LUZP2: variants seen among roughly 807,000 people sequenced by gnomAD.
LUZP2 encodes leucine zipper protein 2.
A neutral mutation model predicts 51.6 loss-of-function variants in LUZP2; 52 were observed. That is an observed-to-expected ratio of 1.01 (90% CI 0.81 to 1.27). The LOEUF (loss-of-function observed/expected upper bound fraction) is 1.27, where lower values mean the gene tolerates loss of function less well. Among genes scored for constraint, LUZP2 ranks in the 50% most tolerant of loss-of-function variants. The pLI is 0.00. For synonymous variants in LUZP2, 154 were observed against 137.3 expected, an observed-to-expected ratio of 1.12 and a Z score of -0.85; for missense variants, 436 against 395.4, an observed-to-expected ratio of 1.10 and a Z score of -0.87.
At position 24,922,847 on chromosome 11, in the gene LUZP2, T is replaced by TC. The variant is rs1854107063; in HGVS notation, c.522+8309_522+8310insC. Among the ~76,000 whole-genome samples the TC allele has an allele frequency of 2.3e-5, 3 of 131,694 alleles. No homozygotes were observed. In the Admixed American group the frequency reaches 2.3e-4, roughly 10 times the overall value. The allele number at this position is 131,694 out of a possible 152,430, so 86.4% of individuals were successfully genotyped here. Reference sequence around the variant, plus strand: ...TATCTTTTTTTTTTTCTTTTTTTTTTTTTTTTTTTTTTTTTTTTTTAGAGG... The same window carrying TC: ...TATCTTTTTTTTTTTCTTTTTTTTTTCTTTTTTTTTTTTTTTTTTTTAGAGG... On this transcript the variant is annotated intron_variant, in intron 7 of 11. Coordinates refer to ENST00000336930, the MANE Select transcript of LUZP2 (RefSeq NM_001009909.4).
chr11:24,969,334 A>C (rs576294174), intron 7 of LUZP2, among the ~76,000 whole-genome samples: 19 of 152,174 alleles, frequency 1.2e-4, no homozygotes, highest in Non-Finnish European at 2.2e-4. Flanking sequence ...AAGAAATATA[A>C]ATATCTAACT....
chr11:24,713,415 A>G (rs1372672686), intron 1 of LUZP2, among the ~76,000 whole-genome samples: 3 of 152,158 alleles, frequency 2.0e-5, no homozygotes, highest in African/African-American at 4.8e-5. Context: ...GCCTTTGTCA[A>G]CTGGGGGGAG....
At position 24,906,059 on chromosome 11, in the gene LUZP2, T is replaced by C. The variant is rs1260077642; in HGVS notation, c.459+6T>C. On this transcript the variant is annotated splice_donor_region_variant and intron_variant, in intron 6 of 11. Transcript: ENST00000336930. ...GTGGCATTCACGCAGAAGAGGTGAG[T>C]AAATTTTTGCTTCTTCTAGCTTTAA... The C allele has an allele frequency of 1.2e-6, 2 of 1,610,398 alleles. No individual in the cohort carries two copies. Among genetic ancestry groups the C allele is most frequent in the Non-Finnish European group, 1.7e-6 (2 of 1,177,652 alleles).
chr11:24,757,574 C>T (rs931334127), intron 4 of LUZP2, among the ~76,000 whole-genome samples: 1 of 151,810 alleles, frequency 6.6e-6, no homozygotes, highest in Non-Finnish European at 1.5e-5. Context: ...GAAGCTCAAA[C>T]TCAATGTACT....
Position 24,983,149 on chromosome 11 carries a change from A to C in LUZP2, c.621A>C (p.Lys207Asn), listed in dbSNP as rs1302260315. ...AGGAGTCACAGATGAAAGCAATGAAAGAGACTGTGCAGCTCTGCTTGACAT... is the reference window on the plus strand; with the variant it reads ...AGGAGTCACAGATGAAAGCAATGAACGAGACTGTGCAGCTCTGCTTGACAT... ...LDRESQMKAM[K>N]ETVQLCLTSV... Residue 207 changes from lysine to asparagine, a missense_variant, in exon 9 of 12, where the codon AAA becomes AAC. By Grantham distance (94) the Lys-to-Asn change is moderately conservative. Transcript: ENST00000336930. 1 of 1,611,880 alleles carries C rather than the reference A, an allele frequency of 6.2e-7. No individual in the cohort carries two copies. The highest frequency in any genetic ancestry group is 1.7e-5 in the Admixed American group (1 of 59,768).
intron 4 of LUZP2, among the ~76,000 whole-genome samples, chr11:24,756,502 C>A (rs937776275): frequency 6.6e-6 from 1 of 152,168 alleles, no homozygotes; most frequent in Non-Finnish European, 1.5e-5. Context: ...CATGGGGGAC[C>A]ATGTGGCCAC....
intron 5 of LUZP2, among the ~76,000 whole-genome samples, chr11:24,779,075 G>T (rs1463540300): frequency 2.0e-5 from 3 of 152,084 alleles, no homozygotes; most frequent in Non-Finnish European, 4.4e-5. Flanking sequence ...TCTAGTACAT[G>T]CCATAGAAAA....
intron 1 of LUZP2, among the ~76,000 whole-genome samples, chr11:24,567,264 T>A: frequency 6.6e-6 from 1 of 151,172 alleles, no homozygotes; most frequent in East Asian, 1.9e-4. Context: ...AAGTAAAAGT[T>A]AAATATAAAC....
At chr11:24,924,107 C>T (rs1854157351) in intron 7 of LUZP2, among the ~76,000 whole-genome samples, 1 of 149,098 alleles carries the variant, frequency 6.7e-6, no homozygotes, top group Admixed American at 6.7e-5. Flanking sequence ...GAGACGGAGT[C>T]TCATTTTGTC....
At chr11:25,028,190 T>A (rs1358933385) in intron 9 of LUZP2, among the ~76,000 whole-genome samples, 1 of 152,204 alleles carries the variant, frequency 6.6e-6, no homozygotes, top group Non-Finnish European at 1.5e-5. Context: ...CAAGCATTTA[T>A]CCTTTCTTTG....
intron 9 of LUZP2, among the ~76,000 whole-genome samples, chr11:25,012,254 T>C (rs961917536): frequency 6.6e-6 from 1 of 152,188 alleles, no homozygotes; most frequent in African/African-American, 2.4e-5. Context: ...CTGACGTGAA[T>C]AACCAGGTAG....
chr11:24,791,751 A>G (rs17235043), intron 5 of LUZP2, among the ~76,000 whole-genome samples: 25,041 of 152,084 alleles, frequency 0.16, 2,166 homozygotes, highest in Middle Eastern at 0.25. Context: ...AGATTATTTA[A>G]GAAGCAACAT....
chr11:25,018,872 TG>T (rs1380672111), intron 9 of LUZP2, among the ~76,000 whole-genome samples: 2 of 152,176 alleles, frequency 1.3e-5, no homozygotes, highest in African/African-American at 2.4e-5. Context: ...TCGCCCATAG[TG>T]CTGGGATTAC....
At chr11:25,051,773 A>G (rs981238085) in intron 10 of LUZP2, among the ~76,000 whole-genome samples, 1 of 152,152 alleles carries the variant, frequency 6.6e-6, no homozygotes, top group African/African-American at 2.4e-5. Flanking sequence ...TTATTTCTTG[A>G]TATATATTTT....
intron 5 of LUZP2, among the ~76,000 whole-genome samples, chr11:24,838,268 T>G (rs1429801322): frequency 6.6e-6 from 1 of 151,682 alleles, no homozygotes; most frequent in Non-Finnish European, 1.5e-5. Context: ...TAATTTATGT[T>G]TTATGGCATC....
At chr11:24,720,263 C>G (rs1858213567) in intron 1 of LUZP2, among the ~76,000 whole-genome samples, 1 of 151,852 alleles carries the variant, frequency 6.6e-6, no homozygotes, top group South Asian at 2.1e-4. Flanking sequence ...AAATACTATC[C>G]AATTTGTTTC....
intron 1 of LUZP2, among the ~76,000 whole-genome samples, chr11:24,578,489 G>T (rs143200015): frequency 6.6e-6 from 1 of 151,868 alleles, no homozygotes; most frequent in African/African-American, 2.4e-5. Context: ...GCATGCATAT[G>T]TTTATTGCAG....
At chr11:24,799,099 CCAT>C (rs757937949) in intron 5 of LUZP2, among the ~76,000 whole-genome samples, 3 of 152,142 alleles carry the variant, frequency 2.0e-5, no homozygotes, top group Non-Finnish European at 1.5e-5. Flanking sequence ...TTCTGCTCCT[CCAT>C]CATCATTGTC....
At chr11:24,850,944 G>A (rs2716528) in intron 5 of LUZP2, among the ~76,000 whole-genome samples, 24,042 of 151,968 alleles carry the variant, frequency 0.16, 2,097 homozygotes, top group African/African-American at 0.22. Context: ...AACGCTTGTG[G>A]TTTTTGCACA....
Sources: gnomAD v4.1 joint callset for allele counts (sites outside exome capture counted in the v4.1 genomes callset) on GRCh38, gnomAD v4.1.1 for gene constraint, MANE v1.5 for transcripts, NCBI Gene and HGNC (gene_info 2026-07-23, HGNC 2026-07-21) for gene names.